MRM3: variants seen among roughly 807,000 people sequenced by gnomAD.
MRM3 encodes the protein rRNA methyltransferase 3, mitochondrial.
A neutral mutation model predicts 29.4 loss-of-function variants in MRM3; 26 were observed. The observed-to-expected ratio is 0.89, with a 90% confidence interval of 0.65 to 1.23. MRM3 has a LOEUF of 1.23. MRM3 is among the 50% of genes most tolerant of loss of function. The pLI is 0.00. For missense variants in MRM3, 578 were observed against 540.2 expected, an observed-to-expected ratio of 1.07 and a Z score of -0.69; for synonymous variants, 225 against 219.0, an observed-to-expected ratio of 1.03 and a Z score of -0.24.
rs1910839215 is a variant in MRM3, at chr17:791,832, C to T, written c.1026C>T (p.Tyr342=). The change falls in exon 4 of 4, where the codon TAC becomes TAT. Residue 342 remains tyrosine, a synonymous_variant. Coordinates refer to ENST00000304478, the MANE Select transcript of MRM3 (RefSeq NM_018146.4). The part of the protein sequence containing the change: ...DWLPHVEVQS[Y]DSDWTEAPAA... ...TGCCTCATGTTGAGGTTCAGAGTTA[C>T]GACTCGGACTGGACAGAGGCGCCGG... 6.2e-7 allele frequency: 1 copy of T among 1,614,006 alleles called. No homozygotes were observed. Among genetic ancestry groups the T allele is most frequent in the Non-Finnish European group, 8.5e-7 (1 of 1,180,038 alleles).
Position 791,612 on chromosome 17 carries a change from T to C in MRM3, c.806T>C (p.Leu269Pro), listed in dbSNP as rs768363608. The C allele has an allele frequency of 6.2e-7, 1 of 1,614,196 alleles. No homozygotes were observed. Among genetic ancestry groups the C allele is most frequent in the South Asian group, 1.1e-5 (1 of 91,086 alleles). The stretch of plus-strand genomic sequence containing the variant: ...TTCCGGATGCCCATTATCAATAATC[T>C]GGAATGGGAAACCGTGCCCAATTAC... Reference protein sequence around the residue: ...AHFRMPIINNLEWETVPNYLP... With the variant: ...AHFRMPIINNPEWETVPNYLP... Residue 269 changes from leucine (L) to proline (P), a missense_variant, in exon 4 of 4, where the codon CTG (leucine) becomes CCG (proline). Transcript: ENST00000304478.
At position 788,077 on chromosome 17, in the gene MRM3, G is replaced by C. The variant is rs752568057; in HGVS notation, c.672G>C (p.Gly224=). 6.2e-7 allele frequency: 1 copy of C among 1,614,184 alleles called. No homozygotes were observed. Among genetic ancestry groups the C allele is most frequent in the Non-Finnish European group, 8.5e-7 (1 of 1,180,044 alleles). The change falls in exon 3 of 4, where the codon GGG becomes GGC. Residue 224 remains glycine (G), a synonymous_variant. Transcript: ENST00000304478. ...ATCTCCGTGACCCTGGGAACCTGGG[G>C]ACAATTCTGAGATCTGCAGCTGGGG... ...CDNLRDPGNL[G]TILRSAAGAG...
intron 3 of MRM3, among the ~76,000 whole-genome samples, chr17:788,472 C>CT (rs56865712): frequency 0.011 from 1,311 of 120,972 alleles, 17 homozygotes; most frequent in East Asian, 0.027. Context: ...TTGGTCTGGT[C>CT]TTTTTTTTTT....
Position 791,705 on chromosome 17 carries a change from A to T in MRM3, c.899A>T (p.Asn300Ile), listed in dbSNP as rs1431136050. 6.2e-7 allele frequency: 1 copy of T among 1,614,238 alleles called. No homozygotes were observed. The highest frequency in any genetic ancestry group is 1.7e-5 in the Admixed American group (1 of 60,022). Residue 300 changes from asparagine (N) to isoleucine (I), a missense_variant, in exon 4 of 4, where the codon AAT (asparagine) becomes ATT (isoleucine). Physicochemically the swap from Asn to Ile is moderately radical, Grantham distance 149. Coordinates refer to ENST00000304478, the MANE Select transcript of MRM3 (RefSeq NM_018146.4). ...CGLYAQAEMSNKASDHGWVCD... is the reference protein window; with the variant it reads ...CGLYAQAEMSIKASDHGWVCD... ...CTTTATGCCCAGGCTGAGATGTCTA[A>T]TAAAGCTAGTGACCATGGCTGGGTG...
In MRM3 at chr17:788,041, G is replaced by T. The variant is rs774119501; in HGVS notation, c.636G>T (p.Leu212Phe). ...TQLQHSLPLL[L>F]ICDNLRDPGN... Reference sequence around the variant, plus strand: ...TTCAGCATTCACTGCCTTTATTATTGATTTGTGACAATCTCCGTGACCCTG... The same window carrying T: ...TTCAGCATTCACTGCCTTTATTATTTATTTGTGACAATCTCCGTGACCCTG... The change falls in exon 3 of 4, where the codon TTG (leucine) becomes TTT (phenylalanine). Residue 212 changes from leucine to phenylalanine, a missense_variant. By Grantham distance (22) the Leu-to-Phe change is conservative (BLOSUM62 0). Coordinates refer to ENST00000304478, the MANE Select transcript of MRM3 (RefSeq NM_018146.4). 26 of 1,614,018 alleles carry T rather than the reference G, an allele frequency of 1.6e-5. No individual in the cohort carries two copies. The highest frequency in any genetic ancestry group is 5.0e-5 in the Admixed American group (3 of 60,000).
intron 3 of MRM3, among the ~76,000 whole-genome samples, chr17:788,562 C>T (rs1046131615): frequency 4.0e-5 from 6 of 151,250 alleles, no homozygotes; most frequent in Admixed American, 3.3e-4. Context: ...AAGCAGTCCT[C>T]CTGCCTCAGT....
At chr17:786,946 A>G (rs1910561638) in intron 2 of MRM3, among the ~76,000 whole-genome samples, 1 of 152,218 alleles carries the variant, frequency 6.6e-6, no homozygotes, top group Non-Finnish European at 1.5e-5. Flanking sequence ...TGGTACATTC[A>G]TACTACAAAA....
rs2144533818 is a variant in MRM3 at position 792,422 on chromosome 17, G to A, written c.*353G>A. 1 of 249,118 alleles carries A rather than the reference G, an allele frequency of 4.0e-6. No individual in the cohort carries two copies. The highest frequency in any genetic ancestry group is 5.0e-5 in the Admixed American group (1 of 20,016). The allele number at this position is 249,118 out of a possible 1,614,324, so 15.4% of individuals were successfully genotyped here. On this transcript the variant is annotated 3_prime_UTR_variant, in exon 4 of 4. Transcript: ENST00000304478. ...CACCAGCTGGTGGGTGTTTGTAATC[G>A]CCAAGCACCAGCTATAGGTCACAGC...
chr17:782,755 T>C, intron 1 of MRM3, 63 bp downstream of exon 1: 1 of 1,502,630 alleles, frequency 6.7e-7, no homozygotes, highest in Admixed American at 2.0e-5. Context: ...AGCGGAACCT[T>C]AACCTCCTTC....
chr17:788,609 T>G (rs1213515939), intron 3 of MRM3, among the ~76,000 whole-genome samples: 1 of 151,918 alleles, frequency 6.6e-6, no homozygotes, highest in Non-Finnish European at 1.5e-5. Flanking sequence ...TGAACAACTA[T>G]GCCCAGCCAA....
chr17:786,516 C>A (rs1256710860), intron 2 of MRM3, among the ~76,000 whole-genome samples: 2 of 152,016 alleles, frequency 1.3e-5, no homozygotes, highest in African/African-American at 4.8e-5. Context: ...ACCTCATGAT[C>A]CGCCCACCTC....
chr17:787,366 T>C lies in MRM3; in HGVS notation c.560-599T>C, dbSNP rs1037905651. 1.3e-5 allele frequency among the ~76,000 whole-genome samples: 2 copies of C among 152,030 alleles called. No individual in the cohort carries two copies. Among genetic ancestry groups the C allele is most frequent in the African/African-American group, 4.8e-5 (2 of 41,380 alleles). ...AAGTCGATTACAGAATAATACAGAG[T>C]ATGACACGGAATGTAAAACACATTT... On this transcript the variant is annotated intron_variant, in intron 2 of 3. Transcript: ENST00000304478. This position sits in a 1 kb window ranked among gnomAD's most constrained non-coding sequence, Gnocchi z 4.1.
intron 2 of MRM3, chr17:783,536 C>G (rs570073522): frequency 9.4e-6 from 4 of 426,098 alleles, no homozygotes; most frequent in Admixed American, 3.8e-5. Flanking sequence ...GGGGTTTCAC[C>G]ATGTTGGCCA....
chr17:785,609 C>T (rs975113971), intron 2 of MRM3, among the ~76,000 whole-genome samples: 11 of 152,214 alleles, frequency 7.2e-5, no homozygotes, highest in South Asian at 2.1e-4. Context: ...GGACCTCCAG[C>T]GTGAGGCCTT....
chr17:788,968 G>C (rs930520715), intron 3 of MRM3, among the ~76,000 whole-genome samples: 5 of 152,180 alleles, frequency 3.3e-5, no homozygotes, highest in Non-Finnish European at 5.9e-5. Flanking sequence ...GAGTAATTCA[G>C]TCAATGTTGA....
intron 3 of MRM3, among the ~76,000 whole-genome samples, chr17:789,439 C>G (rs867422000): frequency 6.6e-6 from 1 of 152,202 alleles, no homozygotes; most frequent in South Asian, 2.1e-4. Flanking sequence ...CTCTTCTCAT[C>G]AGAAATAGGG....
chr17:782,950 T>C, intron 1 of MRM3, 133 bp from the exon 2 acceptor site: 5 of 1,285,976 alleles, frequency 3.9e-6, no homozygotes, highest in Non-Finnish European at 5.3e-6. Flanking sequence ...GGCCTCCCAA[T>C]GTGCTGGGAT....
intron 2 of MRM3, among the ~76,000 whole-genome samples, chr17:785,363 TAA>T (rs1267324701): frequency 2.0e-5 from 3 of 152,200 alleles, no homozygotes; most frequent in African/African-American, 7.2e-5. Context: ...ATTCTTTCCA[TAA>T]AACTTTAGAG....
rs777420983 is a variant in MRM3 at position 791,772 on chromosome 17, G to T, written c.966G>T (p.Glu322Asp). 1 of 1,614,236 alleles carries T rather than the reference G, an allele frequency of 6.2e-7. No individual in the cohort carries two copies. Among genetic ancestry groups the T allele is most frequent in the East Asian group, 2.2e-5 (1 of 44,886 alleles). The change falls in exon 4 of 4, where the codon GAG (glutamate) becomes GAT (aspartate). Residue 322 changes from glutamate (E) to aspartate (D), a missense_variant. Coordinates refer to ENST00000304478, the MANE Select transcript of MRM3 (RefSeq NM_018146.4). ...RVMKFHKYEE[E>D]EDVETGASQD... ...TGAAGTTTCACAAGTATGAGGAAGAGGAAGATGTAGAAACCGGAGCCAGTC... is the reference window on the plus strand; with the variant it reads ...TGAAGTTTCACAAGTATGAGGAAGATGAAGATGTAGAAACCGGAGCCAGTC...
Sources: gnomAD v4.1 joint callset for allele counts (sites outside exome capture counted in the v4.1 genomes callset) on GRCh38, gnomAD v4.1.1 for gene constraint, Gnocchi (gnomAD v3.1) non-coding constraint, MANE v1.5 for transcripts, NCBI Gene and HGNC (gene_info 2026-07-23, HGNC 2026-07-21) for gene names.